The following DPP10 variants were observed in gnomAD, a reference collection of about 807,000 sequenced individuals.
DPP10 encodes the protein dipeptidyl peptidase like 10.
Under a neutral mutation model 120.9 loss-of-function variants are expected in DPP10, and 33 were observed. The ratio of observed to expected loss-of-function variants is 0.27; its 90% confidence interval spans 0.21 to 0.37. DPP10 has a LOEUF of 0.37. DPP10 is among the 10% of genes least tolerant of loss of function. DPP10 has a pLI of 1.00. For synonymous variants in DPP10, 337 were observed against 326.1 expected (o/e 1.03, Z -0.36); for missense variants, 816 against 942.8 (o/e 0.87, Z 1.76).
rs10675008 is a variant in DPP10, at chr2:115,286,526, A to ATATATTTATATATATAT, written c.61-22713_61-22712insTATATTTATATATATAT. On this transcript the variant is annotated intron_variant, in intron 1 of 25. Transcript: ENST00000410059. ...TATTACATATATAATATATATATAT[A>ATATATTTATATATATAT]ATATATATATATATAAAATATATAC... 2.1e-4 allele frequency among the ~76,000 whole-genome samples: 13 copies of ATATATTTATATATATAT among 60,946 alleles called. 2 individuals are homozygous for ATATATTTATATATATAT. The allele number at this position is 60,946 out of a possible 152,430, so 40.0% of individuals were successfully genotyped here. A position where few individuals can be genotyped will look rare whatever the true frequency, so the allele number is the denominator to read the frequency against.
At chr2:115,538,240 T>A (rs989944120) in intron 5 of DPP10, among the ~76,000 whole-genome samples, 1 of 151,972 alleles carries the variant, frequency 6.6e-6, no homozygotes, top group Non-Finnish European at 1.5e-5. Context: ...GAAATCACGA[T>A]AGAGTTCTGA....
intron 7 of DPP10, among the ~76,000 whole-genome samples, chr2:115,706,419 A>G (rs939895225): frequency 4.6e-5 from 7 of 151,922 alleles, no homozygotes; most frequent in Admixed American, 3.3e-4. Flanking sequence ...TAAATTGTGG[A>G]GTAAGAACCA....
rs140030654 is a variant in DPP10 at position 115,827,613 on chromosome 2, T to G, written c.1951-8544T>G. 3.7e-3 allele frequency among the ~76,000 whole-genome samples: 559 copies of G among 151,742 alleles called. 2 individuals are homozygous for G. The highest frequency in any genetic ancestry group is 0.011 in the African/African-American group (448 of 41,394). On this transcript the variant is annotated intron_variant, in intron 21 of 25. Transcript: ENST00000410059. ...TTTATTTTATTTTATTTTATTTTTT[T>G]GAGACAGAGTTTTGCTCTGTTGCCC...
Position 114,460,325 on chromosome 2 carries a change from C to A in DPP10, c.60+17487C>A, listed in dbSNP as rs192768089. On this transcript the variant is annotated intron_variant, in intron 1 of 25. Transcript: ENST00000410059. ...CAGTACTAGTAATGCTCAATCCTTT[C>A]TTGTGTTTTGGTATAGTACTGACTT... 4.5e-3 allele frequency among the ~76,000 whole-genome samples: 681 copies of A among 152,200 alleles called. 1 individual carries two copies. The highest frequency in any genetic ancestry group is 6.8e-3 in the Middle Eastern group (2 of 294).
Position 114,989,028 on chromosome 2 carries a change from A to G in DPP10, c.61-320211A>G, listed in dbSNP as rs564602687. ...AAATTACTATAGAGTGGTACAAACA[A>G]CCATATATCATAAACTACATTATGT... On this transcript the variant is annotated intron_variant, in intron 1 of 25. Transcript: ENST00000410059. 2.0e-5 allele frequency among the ~76,000 whole-genome samples: 3 copies of G among 152,336 alleles called. No individual in the cohort carries two copies. In the East Asian group the frequency reaches 5.8e-4, roughly 29 times the overall value.
At chr2:114,842,468 C>T (rs915497710) in intron 1 of DPP10, among the ~76,000 whole-genome samples, 4 of 151,946 alleles carry the variant, frequency 2.6e-5, no homozygotes, top group African/African-American at 4.8e-5. Context: ...AAGAAAGAGA[C>T]CCATCAAGAT....
At chr2:115,760,819 G>A (rs1339862580) in intron 11 of DPP10, among the ~76,000 whole-genome samples, 5 of 152,262 alleles carry the variant, frequency 3.3e-5, no homozygotes, top group South Asian at 4.1e-4. Context: ...CCTACAGGCC[G>A]GCTGTGGTGG....
At chr2:115,095,692 G>T (rs994501715) in intron 1 of DPP10, among the ~76,000 whole-genome samples, 5 of 150,384 alleles carry the variant, frequency 3.3e-5, no homozygotes, top group African/African-American at 1.2e-4. Context: ...CAGAAATTCT[G>T]CACTTCTAAC....
intron 1 of DPP10, among the ~76,000 whole-genome samples, chr2:115,158,088 A>G (rs1436808410): frequency 6.6e-6 from 1 of 152,210 alleles, no homozygotes; most frequent in African/African-American, 2.4e-5. Flanking sequence ...ATCAGCTGTT[A>G]GCTAGACCTT....
chr2:115,281,392 G>T (rs2060151769), intron 1 of DPP10, among the ~76,000 whole-genome samples: 1 of 152,116 alleles, frequency 6.6e-6, no homozygotes, highest in Non-Finnish European at 1.5e-5. Flanking sequence ...TTGTATTTCA[G>T]ACACCACAGA....
At chr2:115,676,685 G>A (rs539039215) in intron 5 of DPP10, among the ~76,000 whole-genome samples, 11 of 152,214 alleles carry the variant, frequency 7.2e-5, no homozygotes, top group South Asian at 2.1e-4. Context: ...GCAGGACTAC[G>A]GGACGTATAA....
intron 3 of DPP10, among the ~76,000 whole-genome samples, chr2:115,403,669 G>A (rs977793489): frequency 1.3e-5 from 2 of 152,030 alleles, no homozygotes; most frequent in African/African-American, 4.8e-5. Context: ...CTCCCAAAGT[G>A]CTGAGATTAT....
rs1457301581 is a variant in DPP10, at chr2:115,343,948, T to G, written c.271+36T>G. 3 of 1,522,240 alleles carry G rather than the reference T, an allele frequency of 2.0e-6. No homozygotes were observed. In the South Asian group the frequency reaches 3.7e-5, roughly 19 times the overall value. 94.3% of individuals were successfully genotyped at this position (1,522,240 alleles called of 1,614,324 possible). A position where few individuals can be genotyped will look rare whatever the true frequency, so the allele number is the denominator to read the frequency against. On this transcript the variant is annotated intron_variant, in intron 3 of 25. Coordinates refer to ENST00000410059, the MANE Select transcript of DPP10 (RefSeq NM_020868.6). Reference sequence around the variant, plus strand: ...ACCTTTTTAAACATTGTATTCATTTTGAGTTCTGTATAATTAAAATTTTAA... The same window carrying G: ...ACCTTTTTAAACATTGTATTCATTTGGAGTTCTGTATAATTAAAATTTTAA...
chr2:114,843,534 G>T (rs926372440), intron 1 of DPP10, among the ~76,000 whole-genome samples: 1 of 152,092 alleles, frequency 6.6e-6, no homozygotes, highest in Non-Finnish European at 1.5e-5. Flanking sequence ...CTTATTTTTA[G>T]AATGTGTCCT....
chr2:115,513,693 C>T (rs1393996826), intron 4 of DPP10, among the ~76,000 whole-genome samples: 1 of 151,978 alleles, frequency 6.6e-6, no homozygotes, highest in Non-Finnish European at 1.5e-5. Flanking sequence ...CTGTAATTTT[C>T]ATACAAGTTA....
chr2:115,125,603 G>T (rs1343608878), intron 1 of DPP10, among the ~76,000 whole-genome samples: 1 of 123,348 alleles, frequency 8.1e-6, no homozygotes, highest in Non-Finnish European at 1.6e-5. Flanking sequence ...CAGAGTCCTC[G>T]CTCTGTCGCC....
chr2:115,316,672 TTG>T (rs2061809042), intron 2 of DPP10, among the ~76,000 whole-genome samples: 1 of 152,206 alleles, frequency 6.6e-6, no homozygotes, highest in African/African-American at 2.4e-5. Flanking sequence ...TTATATAAAA[TTG>T]TGTGTCATTA....
chr2:115,239,357 G>A (rs900108068), intron 1 of DPP10, among the ~76,000 whole-genome samples: 1 of 152,154 alleles, frequency 6.6e-6, no homozygotes, highest in Non-Finnish European at 1.5e-5. Flanking sequence ...AATCAATGTG[G>A]CAAAATCCAT....
At chr2:114,622,322 A>T (rs1205963759) in intron 1 of DPP10, among the ~76,000 whole-genome samples, 2 of 152,080 alleles carry the variant, frequency 1.3e-5, no homozygotes, top group African/African-American at 4.8e-5. Context: ...TTGACTGTGT[A>T]AATCCACACA....
Sources: gnomAD v4.1 joint callset for allele counts (sites outside exome capture counted in the v4.1 genomes callset) on GRCh38, gnomAD v4.1.1 for gene constraint, MANE v1.5 for transcripts, NCBI Gene and HGNC (gene_info 2026-07-23, HGNC 2026-07-21) for gene names.